Variants in FAF2 observed in about 807,000 individuals in gnomAD.
The protein encoded by FAF2 is FAS-associated factor 2.
FAF2 carries 9 observed loss-of-function variants against 62.3 expected under a neutral mutation model. The ratio of observed to expected loss-of-function variants is 0.14; its 90% CI spans 0.09 to 0.25. The LOEUF (loss-of-function observed/expected upper bound fraction) is 0.25. Ranked by LOEUF, FAF2 falls within the 10% of genes least tolerant of loss-of-function variation. FAF2 has a pLI of 1.00. For synonymous variants in FAF2, 202 were observed against 198.0 expected, an observed-to-expected ratio of 1.02 and a Z score of -0.17; for missense variants, 368 against 556.2, an observed-to-expected ratio of 0.66 and a Z score of 3.40.
intron 2 of FAF2, among the ~76,000 whole-genome samples, chr5:176,484,078 A>C (rs1371229272): frequency 6.6e-6 from 1 of 152,090 alleles, no homozygotes; most frequent in Non-Finnish European, 1.5e-5. Context: ...GTCTCAAAAA[A>C]AGAAAAAAAA....
intron 1 of FAF2, among the ~76,000 whole-genome samples, chr5:176,464,385 A>G (rs1758429581): frequency 6.6e-6 from 1 of 152,038 alleles, no homozygotes; most frequent in African/African-American, 2.4e-5. Flanking sequence ...GGGTCTAATC[A>G]GTTATCAAAT....
chr5:176,464,765 C>G (rs1206006388), intron 1 of FAF2, among the ~76,000 whole-genome samples: 1 of 150,850 alleles, frequency 6.6e-6, no homozygotes, highest in African/African-American at 2.4e-5. Flanking sequence ...TTTTTAAAGA[C>G]CTTCCCTTAT....
rs1755734135 is a variant in FAF2 at position 176,509,069 on chromosome 5, T to C, written c.*2119T>C. 6.6e-6 allele frequency: 1 copy of C among 152,218 alleles called. No homozygotes were observed. The highest frequency in any genetic ancestry group is 2.1e-4 in the South Asian group (1 of 4,834). The allele number at this position is 152,218 out of a possible 1,614,324, so 9.4% of individuals were successfully genotyped here. Reference sequence around the variant, plus strand: ...TGAAGGAAGTCAGCTGCCAGAATATTAAGAAGGGTCTCCCTTTATGTCAGT... The same window carrying C: ...TGAAGGAAGTCAGCTGCCAGAATATCAAGAAGGGTCTCCCTTTATGTCAGT... On this transcript the variant is annotated 3_prime_UTR_variant, in exon 11 of 11. Coordinates refer to ENST00000261942, the MANE Select transcript of FAF2 (RefSeq NM_014613.3).
chr5:176,488,977 G>A lies in FAF2; in HGVS notation c.294G>A (p.Leu98=). The A allele has an allele frequency of 6.2e-7, 1 of 1,614,000 alleles. No individual in the cohort carries two copies. Among genetic ancestry groups the A allele is most frequent in the East Asian group, 2.2e-5 (1 of 44,864 alleles). ...PRGLLGWGYY[L]IMLPFRFTYY... ...GGCTGCTTGGATGGGGTTATTACTT[G>A]ATAATGCTTCCATTCCGGTTTACCT... is the stretch of plus-strand genomic sequence containing the variant. The change falls in exon 4 of 11, where the codon TTG becomes TTA. Residue 98 remains leucine, a synonymous_variant. Transcript: ENST00000261942.
Position 176,509,409 on chromosome 5 carries a change from A to C in FAF2, c.*2459A>C, listed in dbSNP as rs1029031176. On this transcript the variant is annotated 3_prime_UTR_variant, in exon 11 of 11. Coordinates refer to ENST00000261942, the MANE Select transcript of FAF2 (RefSeq NM_014613.3). Reference sequence around the variant, plus strand: ...AAGCATTTGCTCTTGTTTCCACATCACCTCTGGGATATTTCAGCTGTTGTT... The same window carrying C: ...AAGCATTTGCTCTTGTTTCCACATCCCCTCTGGGATATTTCAGCTGTTGTT... 3.3e-5 allele frequency: 5 copies of C among 152,042 alleles called. No individual in the cohort carries two copies. The highest frequency in any genetic ancestry group is 2.0e-4 in the Admixed American group (3 of 15,244). The allele number at this position is 152,042 out of a possible 1,614,324, so 9.4% of individuals were successfully genotyped here.
chr5:176,468,269 T>A (rs1013788268), intron 1 of FAF2, among the ~76,000 whole-genome samples: 1 of 152,116 alleles, frequency 6.6e-6, no homozygotes, highest in African/African-American at 2.4e-5. Flanking sequence ...GCCAAGGCAT[T>A]GCACTGGGTC....
chr5:176,489,106 T>A, intron 4 of FAF2, 79 bp downstream of exon 4: 1 of 1,044,378 alleles, frequency 9.6e-7, no homozygotes, highest in Non-Finnish European at 1.4e-6. Context: ...AGCTTTATGC[T>A]CTATCAATGT....
chr5:176,494,740 A>G lies in FAF2; in HGVS notation c.661+465A>G, dbSNP rs1759034762. Among the ~76,000 whole-genome samples, 1 of 152,052 alleles carries G rather than the reference A, an allele frequency of 6.6e-6. No homozygotes were observed. The highest frequency in any genetic ancestry group is 2.1e-4 in the South Asian group (1 of 4,824). ...CAGCTAATTTTTTTGTATTTTTAGT[A>G]GAGATGGGGTTTCACCATGTAGCCT... On this transcript the variant is annotated intron_variant, in intron 7 of 10. Transcript: ENST00000261942. The surrounding 1 kb of genome is among the most constrained non-coding windows in gnomAD (Gnocchi z 4.0).
chr5:176,474,974 G>C (rs974654594), intron 1 of FAF2, among the ~76,000 whole-genome samples: 28 of 152,250 alleles, frequency 1.8e-4, no homozygotes, highest in Admixed American at 1.5e-3. Context: ...TTTTAGTACT[G>C]ATCAGTAGTA....
chr5:176,462,994 G>A lies in FAF2; in HGVS notation c.63+14524G>A, dbSNP rs187745279. ...ACAACGTTTCTGCTTGAATCTGAGC[G>A]GTAAAGTCACATTTAGGAAAGGTTG... On this transcript the variant is annotated intron_variant, in intron 1 of 10. Coordinates refer to ENST00000261942, the MANE Select transcript of FAF2 (RefSeq NM_014613.3). 2.1e-3 allele frequency among the ~76,000 whole-genome samples: 320 copies of A among 152,158 alleles called. 3 individuals are homozygous for A. Among genetic ancestry groups the A allele is most frequent in the African/African-American group, 7.5e-3 (312 of 41,516 alleles).
At chr5:176,460,513 C>CGT (rs747582699) in intron 1 of FAF2, among the ~76,000 whole-genome samples, 53,492 of 132,292 alleles carry the variant, frequency 0.4, 10,584 homozygotes, top group East Asian at 0.46. Flanking sequence ...TTTTTGGCCG[C>CGT]GTGTGTGTGT....
intron 4 of FAF2, among the ~76,000 whole-genome samples, chr5:176,489,436 C>T (rs994570526): frequency 4.6e-5 from 7 of 152,082 alleles, no homozygotes; most frequent in Admixed American, 3.3e-4. Context: ...ACTCACAATC[C>T]CAACAAATTC....
At position 176,494,107 on chromosome 5, in the gene FAF2, T is replaced by C. The variant is rs769516267; in HGVS notation, c.569+23T>C. 3.2e-5 allele frequency: 52 copies of C among 1,611,968 alleles called. No homozygotes were observed. The highest frequency in any genetic ancestry group is 4.3e-5 in the Non-Finnish European group (51 of 1,178,178). On this transcript the variant is annotated intron_variant, in intron 6 of 10. Coordinates refer to ENST00000261942, the MANE Select transcript of FAF2 (RefSeq NM_014613.3). This position sits in a 1 kb window ranked among gnomAD's most constrained non-coding sequence, Gnocchi z 4.0. ...TCGGTAAGTGGATTGATTATTTTCC[T>C]TCTCTTTTCTGACTCTTTCTGGTGA... is the stretch of plus-strand genomic sequence containing the variant.
rs748488697 is a variant in FAF2, at chr5:176,494,160, T to TA, written c.570-23dup. On this transcript the variant is annotated intron_variant, in intron 6 of 10. Transcript: ENST00000261942. The surrounding 1 kb of genome is among the most constrained non-coding windows in gnomAD (Gnocchi z 4.0). ...GTTTATAGTCAGCAAGTTGTTCTCA[T>TA]ATCCTTTTCATACCTTTCCACAGCA... 1 of 1,612,488 alleles carries TA rather than the reference T, an allele frequency of 6.2e-7. No individual in the cohort carries two copies. Among genetic ancestry groups the TA allele is most frequent in the South Asian group, 1.1e-5 (1 of 91,042 alleles).
At chr5:176,470,437 C>T (rs140468374) in intron 1 of FAF2, among the ~76,000 whole-genome samples, 1,749 of 152,312 alleles carry the variant, frequency 0.011, 46 homozygotes, top group African/African-American at 0.04. Context: ...ATTAGCGGGG[C>T]GTGGTGGCGC....
chr5:176,448,978 A>G (rs1028971414), intron 1 of FAF2, among the ~76,000 whole-genome samples: 2 of 152,096 alleles, frequency 1.3e-5, no homozygotes, highest in African/African-American at 4.8e-5. Flanking sequence ...CTACACACAG[A>G]TCTGGTCCCC....
At chr5:176,461,149 G>A (rs1464008867) in intron 1 of FAF2, among the ~76,000 whole-genome samples, 2 of 151,896 alleles carry the variant, frequency 1.3e-5, no homozygotes, top group East Asian at 3.9e-4. Flanking sequence ...GAGTAGCTGG[G>A]ATTACAGGCG....
intron 2 of FAF2, among the ~76,000 whole-genome samples, chr5:176,481,890 T>C (rs1004669425): frequency 3.9e-5 from 6 of 152,186 alleles, no homozygotes; most frequent in African/African-American, 1.2e-4. Context: ...TGGACTTTGC[T>C]GAGTCATATG....
At chr5:176,459,710 T>G (rs1438615425) in intron 1 of FAF2, among the ~76,000 whole-genome samples, 1 of 152,034 alleles carries the variant, frequency 6.6e-6, no homozygotes, top group East Asian at 1.9e-4. Flanking sequence ...TGGGTGTGGT[T>G]GTTTTGTTTT....
Sources: allele counts gnomAD v4.1 joint callset (sites outside exome capture counted in the v4.1 genomes callset), GRCh38; gene constraint gnomAD v4.1.1; non-coding constraint Gnocchi (gnomAD v3.1); transcripts MANE v1.5; gene names NCBI Gene and HGNC (gene_info 2026-07-23, HGNC 2026-07-21).